The following SCGB1A1 variants were observed in gnomAD, a reference collection of about 807,000 sequenced individuals.
SCGB1A1 encodes the protein secretoglobin family 1A member 1, also known as uteroglobin.
In SCGB1A1, 8 loss-of-function variants were observed where a neutral mutation model predicts 7.5. The observed-to-expected ratio is 1.07, with a 90% confidence interval of 0.63 to 1.92. SCGB1A1 has a LOEUF of 1.92. SCGB1A1 is among the 30% of genes most tolerant of loss of function. The pLI is 0.00. For missense variants in SCGB1A1, 121 were observed against 112.7 expected (o/e 1.07, Z -0.33); for synonymous variants, 44 against 40.8 (o/e 1.08, Z -0.30).
In SCGB1A1 at chr11:62,423,184, AC is replaced by A; in HGVS notation, c.*94del. 7.4e-7 allele frequency: 1 copy of A among 1,342,662 alleles called. No individual in the cohort carries two copies. The allele number at this position is 1,342,662 out of a possible 1,614,324, so 83.2% of individuals were successfully genotyped here. The stretch of plus-strand genomic sequence containing the variant: ...CCAGCCTTGCTCTCTTCAATAAACC[AC>A]AAGCATCTCACTTTTGTGCCCCCTG... On this transcript the variant is annotated 3_prime_UTR_variant, in exon 3 of 3. Coordinates refer to ENST00000278282, the MANE Select transcript of SCGB1A1 (RefSeq NM_003357.5).
At chr11:62,419,550 TGCTG>T (rs1937727568) in intron 1 of SCGB1A1, among the ~76,000 whole-genome samples, 1 of 152,196 alleles carries the variant, frequency 6.6e-6, no homozygotes, top group Non-Finnish European at 1.5e-5. Context: ...CTCCACTCCA[TGCTG>T]GCAGCTGAAG....
chr11:62,421,215 C>A (rs1190483333), intron 1 of SCGB1A1, among the ~76,000 whole-genome samples: 1 of 152,124 alleles, frequency 6.6e-6, no homozygotes, highest in Non-Finnish European at 1.5e-5. Flanking sequence ...GGATTTGAGA[C>A]TCACTGGGAA....
At chr11:62,422,472 G>A in intron 2 of SCGB1A1, 64 bp downstream of exon 2, 1 of 1,394,698 alleles carries the variant, frequency 7.2e-7, no homozygotes, top group Non-Finnish European at 9.9e-7. Flanking sequence ...CTGCAGGATT[G>A]CCCCAGTTTT....
At chr11:62,420,276 A>G (rs1281223114) in intron 1 of SCGB1A1, among the ~76,000 whole-genome samples, 4 of 151,738 alleles carry the variant, frequency 2.6e-5, no homozygotes, top group Non-Finnish European at 5.9e-5. Flanking sequence ...ACAATGTGCC[A>G]ATCACTGTCA....
At position 62,422,210 on chromosome 11, in the gene SCGB1A1, CTG is replaced by C. The variant is rs1565188160; in HGVS notation, c.56-7_56-6del. On this transcript the variant is annotated splice_polypyrimidine_tract_variant and intron_variant, in intron 1 of 2. Coordinates refer to ENST00000278282, the MANE Select transcript of SCGB1A1 (RefSeq NM_003357.5). ...CCTGGAGACATGTGCCTTCTCTCCTCTGTGTTGCAGCTTCTGCAGAGATCTGC... is the reference window on the plus strand; with the variant it reads ...CCTGGAGACATGTGCCTTCTCTCCTCTGTTGCAGCTTCTGCAGAGATCTGC... 1 of 1,599,148 alleles carries C rather than the reference CTG, an allele frequency of 6.3e-7. No individual in the cohort carries two copies. Among genetic ancestry groups the C allele is most frequent in the Non-Finnish European group, 8.5e-7 (1 of 1,169,924 alleles).
chr11:62,422,458 G>T (rs779557161), intron 2 of SCGB1A1, 50 bp downstream of exon 2: 1 of 1,512,458 alleles, frequency 6.6e-7, no homozygotes, highest in South Asian at 1.3e-5. Context: ...TTCCCCAAGT[G>T]GGGCTGCAGG....
At chr11:62,419,309 C>T (rs923317240) in intron 1 of SCGB1A1, among the ~76,000 whole-genome samples, 159 bp downstream of exon 1, 1 of 152,204 alleles carries the variant, frequency 6.6e-6, no homozygotes, top group South Asian at 2.1e-4. Flanking sequence ...GGTGAGCAAG[C>T]TCATCTTGGA....
intron 1 of SCGB1A1, among the ~76,000 whole-genome samples, chr11:62,419,383 A>G (rs906925169): frequency 5.9e-5 from 9 of 152,080 alleles, no homozygotes; most frequent in African/African-American, 1.9e-4. Context: ...ATATCCAACA[A>G]CCCTCAGAAT....
At chr11:62,420,331 T>G (rs570018022) in intron 1 of SCGB1A1, among the ~76,000 whole-genome samples, 243 of 150,774 alleles carry the variant, frequency 1.6e-3, no homozygotes, top group African/African-American at 5.7e-3. Context: ...TTTTTTTTTT[T>G]TGAGACAGAG....
chr11:62,422,333 G>A lies in SCGB1A1; in HGVS notation c.168G>A (p.Arg56=), dbSNP rs1937817678. 2.5e-6 allele frequency: 4 copies of A among 1,613,992 alleles called. No individual in the cohort carries two copies. Among genetic ancestry groups the A allele is most frequent in the Admixed American group, 1.7e-5 (1 of 59,990 alleles). ...MELFSPDQDM[R]EAGAQLKKLV... is the part of the protein sequence containing the mutation. ...TTTTCAGCCCTGATCAAGACATGAGGGAGGCAGGGGCTCAGCTGAAGAAGC... is the reference window on the plus strand; with the variant it reads ...TTTTCAGCCCTGATCAAGACATGAGAGAGGCAGGGGCTCAGCTGAAGAAGC... The change falls in exon 2 of 3, where the codon AGG becomes AGA. Residue 56 remains arginine, a synonymous_variant. Coordinates refer to ENST00000278282, the MANE Select transcript of SCGB1A1 (RefSeq NM_003357.5).
intron 1 of SCGB1A1, 74 bp downstream of exon 1, chr11:62,419,224 A>T: frequency 8.4e-7 from 1 of 1,191,612 alleles, no homozygotes; most frequent in Non-Finnish European, 1.1e-6. Context: ...GCTCAGAAGA[A>T]GGAGTGAGCT....
intron 1 of SCGB1A1, among the ~76,000 whole-genome samples, chr11:62,421,552 C>T (rs1030882149): frequency 1.3e-5 from 2 of 151,704 alleles, no homozygotes; most frequent in African/African-American, 2.4e-5. Context: ...CGCTCTGTTG[C>T]CCAGGCTGGA....
intron 1 of SCGB1A1, among the ~76,000 whole-genome samples, chr11:62,419,463 G>A (rs750600379): frequency 6.6e-6 from 1 of 152,148 alleles, no homozygotes; most frequent in Non-Finnish European, 1.5e-5. Context: ...TCCAGCATAG[G>A]AATAATGAGG....
chr11:62,422,281 C>T lies in SCGB1A1; in HGVS notation c.116C>T (p.Pro39Leu), dbSNP rs762634988. The T allele has an allele frequency of 6.2e-7, 1 of 1,614,022 alleles. No homozygotes were observed. Among genetic ancestry groups the T allele is most frequent in the Admixed American group, 1.7e-5 (1 of 60,010 alleles). The change falls in exon 2 of 3, where the codon CCC becomes CTC. Residue 39 changes from proline to leucine, a missense_variant. Transcript: ENST00000278282. Reference protein sequence around the residue: ...RVIETLLMDTPSSYEAAMELF... With the variant: ...RVIETLLMDTLSSYEAAMELF... ...ATCGAAACCCTCCTCATGGACACAC[C>T]CTCCAGTTATGAGGCTGCCATGGAA...
Position 62,422,240 on chromosome 11 carries a change from G to A in SCGB1A1, c.75G>A (p.Pro25=), listed in dbSNP as rs202225101. ...CCSSASAEIC[P]SFQRVIETLL... ...TTGCAGCTTCTGCAGAGATCTGCCC[G>A]AGCTTTCAGCGTGTCATCGAAACCC... Residue 25 remains proline (P), a synonymous_variant, in exon 2 of 3, where the codon CCG becomes CCA. Coordinates refer to ENST00000278282, the MANE Select transcript of SCGB1A1 (RefSeq NM_003357.5). 8.9e-5 allele frequency: 143 copies of A among 1,612,304 alleles called. No individual in the cohort carries two copies. Among genetic ancestry groups the A allele is most frequent in the Non-Finnish European group, 1.1e-4 (130 of 1,178,968 alleles).
chr11:62,419,574 G>C (rs1464298492), intron 1 of SCGB1A1, among the ~76,000 whole-genome samples: 1 of 152,208 alleles, frequency 6.6e-6, no homozygotes, highest in Non-Finnish European at 1.5e-5. Flanking sequence ...GTCACTGGAA[G>C]GGGAGCTGCA....
At chr11:62,420,699 C>T (rs1937766032) in intron 1 of SCGB1A1, among the ~76,000 whole-genome samples, 1 of 150,998 alleles carries the variant, frequency 6.6e-6, no homozygotes, top group Admixed American at 6.6e-5. Context: ...ATTTGGGAGG[C>T]CGAGGTGGGT....
chr11:62,422,773 C>T (rs561107599), intron 2 of SCGB1A1, among the ~76,000 whole-genome samples: 5 of 152,106 alleles, frequency 3.3e-5, no homozygotes, highest in Middle Eastern at 3.4e-3. Context: ...GGGGTTTCAC[C>T]GTGTTTGCCA....
In SCGB1A1 at chr11:62,422,372, C is replaced by G; in HGVS notation, c.207C>G (p.Leu69=). The change falls in exon 2 of 3, where the codon CTC becomes CTG. Residue 69 remains leucine (L), a synonymous_variant. Coordinates refer to ENST00000278282, the MANE Select transcript of SCGB1A1 (RefSeq NM_003357.5). ...AGCTGAAGAAGCTGGTGGACACCCTCCCCCAAAAGCCCAGAGAAAGCATCA... is the reference window on the plus strand; with the variant it reads ...AGCTGAAGAAGCTGGTGGACACCCTGCCCCAAAAGCCCAGAGAAAGCATCA... The part of the protein sequence containing the change: ...GAQLKKLVDT[L]PQKPRESIIK... The G allele has an allele frequency of 1.2e-6, 2 of 1,613,810 alleles. No individual in the cohort carries two copies. The highest frequency in any genetic ancestry group is 1.7e-6 in the Non-Finnish European group (2 of 1,179,808).
Sources: gnomAD v4.1 joint callset for allele counts (sites outside exome capture counted in the v4.1 genomes callset) on GRCh38, gnomAD v4.1.1 for gene constraint, MANE v1.5 for transcripts, NCBI Gene and HGNC (gene_info 2026-07-23, HGNC 2026-07-21) for gene names.